Variants in POLR3B observed in about 807,000 individuals in gnomAD.
POLR3B encodes DNA-directed RNA polymerase III subunit RPC2.
A neutral mutation model predicts 147.4 loss-of-function variants in POLR3B; 96 were observed. The ratio of observed to expected loss-of-function variants is 0.65; its 90% CI spans 0.55 to 0.77. The LOEUF is 0.77. POLR3B is among the 30% of genes least tolerant of loss of function. POLR3B has a pLI of 0.00. For synonymous variants in POLR3B, 461 were observed against 485.9 expected, an observed-to-expected ratio of 0.95 and a Z score of 0.67; for missense variants, 1,036 against 1,413.5, an observed-to-expected ratio of 0.73 and a Z score of 4.28.
At chr12:106,367,306 T>C (rs548149159) in intron 4 of POLR3B, among the ~76,000 whole-genome samples, 17 of 152,308 alleles carry the variant, frequency 1.1e-4, no homozygotes, top group African/African-American at 3.9e-4. Flanking sequence ...TTCTTCAATA[T>C]TTTTCACCAA....
chr12:106,386,292 G>A (rs986771278), intron 9 of POLR3B, among the ~76,000 whole-genome samples: 21 of 145,842 alleles, frequency 1.4e-4, no homozygotes, highest in African/African-American at 5.5e-4. Context: ...GCAGTGAGGC[G>A]AAATCGCACC....
intron 9 of POLR3B, among the ~76,000 whole-genome samples, chr12:106,387,263 CATT>C (rs1342581654): frequency 1.3e-5 from 2 of 152,150 alleles, no homozygotes; most frequent in Non-Finnish European, 2.9e-5. Context: ...GAATCTGCAT[CATT>C]ATTTTTAGTG....
At chr12:106,375,465 G>T (rs143149563) in intron 6 of POLR3B, among the ~76,000 whole-genome samples, 5 of 151,944 alleles carry the variant, frequency 3.3e-5, no homozygotes, top group African/African-American at 9.7e-5. Context: ...TTGATTAGTC[G>T]CTCTCTCTCT....
At chr12:106,498,375 T>A (rs1001488241) in intron 25 of POLR3B, among the ~76,000 whole-genome samples, 42 of 152,288 alleles carry the variant, frequency 2.8e-4, no homozygotes, top group African/African-American at 9.6e-4. Flanking sequence ...TGTTAACCTG[T>A]GAGAAACAGA....
At chr12:106,380,283 T>C in intron 9 of POLR3B, 144 bp downstream of exon 9, 1 of 652,200 alleles carries the variant, frequency 1.5e-6, no homozygotes, top group South Asian at 1.7e-5. Context: ...GTATTTTAAA[T>C]TGAAAGCTGG....
chr12:106,379,099 G>A (rs1382095885), intron 8 of POLR3B, among the ~76,000 whole-genome samples: 1 of 152,176 alleles, frequency 6.6e-6, no homozygotes, highest in Admixed American at 6.5e-5. Context: ...CTTACTAGGA[G>A]CCAGGCAAAA....
At chr12:106,393,490 T>TG (rs2036940859) in intron 10 of POLR3B, among the ~76,000 whole-genome samples, 1 of 107,870 alleles carries the variant, frequency 9.3e-6, no homozygotes, top group African/African-American at 3.0e-5. Flanking sequence ...GTGTACAGGT[T>TG]TTGTGTGTGT....
At chr12:106,503,109 G>A (rs1184908400) in intron 26 of POLR3B, among the ~76,000 whole-genome samples, 1 of 152,112 alleles carries the variant, frequency 6.6e-6, no homozygotes, top group Non-Finnish European at 1.5e-5. Flanking sequence ...GTTTCTACCG[G>A]CAGATAAAAA....
At chr12:106,431,757 C>T (rs1323505939) in intron 14 of POLR3B, among the ~76,000 whole-genome samples, 1 of 152,136 alleles carries the variant, frequency 6.6e-6, no homozygotes, top group East Asian at 1.9e-4. Flanking sequence ...TGTCTTTTTT[C>T]TGATCCAGAA....
chr12:106,420,622 T>C (rs1271853469), intron 12 of POLR3B, among the ~76,000 whole-genome samples: 3 of 152,248 alleles, frequency 2.0e-5, no homozygotes, highest in African/African-American at 7.2e-5. Context: ...TGAATCCGTC[T>C]GATAGGACCT....
rs2036932144 is a variant in POLR3B, at chr12:106,393,061, G to A, written c.754G>A (p.Val252Met). Residue 252 changes from valine to methionine, a missense_variant, in exon 10 of 28, where the codon GTG becomes ATG. Physicochemically the swap from Val to Met is conservative, Grantham distance 21. Around this residue, in one of 12 missense-constraint regions of POLR3B, gnomAD observed 217 missense variants for 288.7 expected, o/e 0.75. Coordinates refer to ENST00000228347, the MANE Select transcript of POLR3B (RefSeq NM_018082.6). ...GGGTGTTGAGAGTGACCAGGAAATT[G>A]TGCAGATGATTGGAACAGAGGAGCA... ...AMGVESDQEIVQMIGTEEHVM... is the reference protein window; with the variant it reads ...AMGVESDQEIMQMIGTEEHVM... 6.2e-7 allele frequency: 1 copy of A among 1,614,070 alleles called. No individual in the cohort carries two copies. Among genetic ancestry groups the A allele is most frequent in the Non-Finnish European group, 8.5e-7 (1 of 1,180,020 alleles).
At chr12:106,363,803 T>G in intron 1 of POLR3B, 67 bp from the exon 2 acceptor site, 2 of 1,201,490 alleles carry the variant, frequency 1.7e-6, no homozygotes, top group Non-Finnish European at 2.4e-6. Flanking sequence ...TTTGGAACAT[T>G]AAAATAACTT....
chr12:106,399,175 G>A lies in POLR3B; in HGVS notation c.846+6022G>A, dbSNP rs555251118. Among the ~76,000 whole-genome samples the A allele has an allele frequency of 7.2e-5, 11 of 152,300 alleles. No homozygotes were observed. In the South Asian group the frequency reaches 1.4e-3, roughly 20 times the overall value. ...CTGAAAACCAAGGCACGAGAACTAT[G>A]TGACGAATGCAGAAGCCTCAGTAGC... On this transcript the variant is annotated intron_variant, in intron 10 of 27. Transcript: ENST00000228347.
intron 25 of POLR3B, among the ~76,000 whole-genome samples, chr12:106,499,360 T>C (rs1213387180): frequency 6.6e-6 from 1 of 152,214 alleles, no homozygotes; most frequent in Non-Finnish European, 1.5e-5. Context: ...ATGGTTAGTC[T>C]ATATCCCAGT....
intron 9 of POLR3B, among the ~76,000 whole-genome samples, chr12:106,380,990 G>A (rs982630087): frequency 3.3e-5 from 5 of 152,296 alleles, no homozygotes; most frequent in Middle Eastern, 3.4e-3. Context: ...AGTCTGTTAA[G>A]TGTGCAATAG....
chr12:106,430,520 T>C (rs2037494230), intron 14 of POLR3B, 47 bp downstream of exon 14: 3 of 1,452,906 alleles, frequency 2.1e-6, no homozygotes, highest in Non-Finnish European at 2.9e-6. Context: ...GCGATACCTA[T>C]GTCTGTGCAT....
chr12:106,422,483 A>G (rs1268960975), intron 12 of POLR3B, among the ~76,000 whole-genome samples: 4 of 152,204 alleles, frequency 2.6e-5, no homozygotes, highest in Admixed American at 2.0e-4. Flanking sequence ...ATAGCAATGC[A>G]AGAGCAGACT....
At chr12:106,367,591 T>G (rs749669687) in intron 4 of POLR3B, among the ~76,000 whole-genome samples, 10 of 152,250 alleles carry the variant, frequency 6.6e-5, no homozygotes, top group Non-Finnish European at 1.5e-4. Context: ...TGAGTTTGTA[T>G]GACGTCTGAT....
At chr12:106,386,784 G>A (rs193090849) in intron 9 of POLR3B, among the ~76,000 whole-genome samples, 6 of 152,002 alleles carry the variant, frequency 3.9e-5, no homozygotes, top group Non-Finnish European at 7.4e-5. Context: ...GCAGGTGCCT[G>A]TAGTCCCAGC....
Sources: gnomAD v4.1 joint callset for allele counts (sites outside exome capture counted in the v4.1 genomes callset) on GRCh38, gnomAD v4.1.1 for gene constraint, gnomAD v4.1.1 regional missense constraint, MANE v1.5 for transcripts, NCBI Gene and HGNC (gene_info 2026-07-23, HGNC 2026-07-21) for gene names.